Variants in TSPAN9 observed in about 807,000 individuals in gnomAD.
TSPAN9 encodes tetraspanin 9, also known as tetraspanin-9.
A neutral mutation model predicts 31.0 loss-of-function variants in TSPAN9; 16 were observed. The observed-to-expected ratio is 0.52, with a 90% confidence interval of 0.35 to 0.78. TSPAN9 has a LOEUF of 0.78. TSPAN9 is among the 30% of genes least tolerant of loss of function. The pLI, the probability that TSPAN9 is intolerant of heterozygous loss-of-function variation, is 0.01. For synonymous variants in TSPAN9, 145 were observed against 121.6 expected, an observed-to-expected ratio of 1.19 and a Z score of -1.27; for missense variants, 272 against 312.5, an observed-to-expected ratio of 0.87 and a Z score of 0.98.
intron 2 of TSPAN9, chr12:3,200,869 A>C: frequency 1.6e-4 from 41 of 250,540 alleles, no homozygotes; most frequent in South Asian, 7.4e-4. Context: ...CCTCCGTCCC[A>C]TTCTGGGAGC....
intron 2 of TSPAN9, among the ~76,000 whole-genome samples, chr12:3,179,452 T>C (rs1314909912): frequency 6.6e-6 from 1 of 152,170 alleles, no homozygotes; most frequent in Non-Finnish European, 1.5e-5. Context: ...AGGAAGCCAC[T>C]GTCCCCCTGC....
chr12:3,182,700 T>C (rs4141086), intron 2 of TSPAN9, among the ~76,000 whole-genome samples: 151,893 of 152,290 alleles, frequency 1, 75,749 homozygotes, highest in Middle Eastern at 1. Flanking sequence ...GCCATGTGAT[T>C]GAGAGGCAGT....
At position 3,211,953 on chromosome 12, in the gene TSPAN9, A is replaced by G. The variant is rs1169692413; in HGVS notation, c.63+10697A>G. ...GCGTAGGTCGTCACCACCGGAAAGC[A>G]AAATTGCTGTCTTTGTATTTCTTTC... On this transcript the variant is annotated intron_variant, in intron 3 of 8. Transcript: ENST00000011898. 9.6e-6 allele frequency: 11 copies of G among 1,140,258 alleles called. No homozygotes were observed. The East Asian group carries it at 2.1e-4, about 22-fold the overall frequency. 70.6% of individuals were successfully genotyped at this position (1,140,258 alleles called of 1,614,324 possible).
Position 3,188,589 on chromosome 12 carries a change from G to A in TSPAN9, c.-17-12588G>A, listed in dbSNP as rs113848441. ...AGTGTGGGGGAGGGGAAGAGCAGGT[G>A]TGCCCTGGCGCCTGGCCTGGCTGGG... is the stretch of plus-strand genomic sequence containing the variant. On this transcript the variant is annotated intron_variant, in intron 2 of 8. Transcript: ENST00000011898. 2.2e-3 allele frequency among the ~76,000 whole-genome samples: 342 copies of A among 152,280 alleles called. 2 individuals are homozygous for A. Among genetic ancestry groups the A allele is most frequent in the African/African-American group, 7.7e-3 (319 of 41,556 alleles).
intron 2 of TSPAN9, among the ~76,000 whole-genome samples, chr12:3,174,770 GA>G: frequency 8.2e-6 from 1 of 122,634 alleles, no homozygotes; most frequent in Non-Finnish European, 1.9e-5. Flanking sequence ...TTTTAGTAGA[GA>G]CGGGGTTTCA....
chr12:3,131,334 C>G (rs139444119), intron 2 of TSPAN9, among the ~76,000 whole-genome samples: 3 of 152,142 alleles, frequency 2.0e-5, no homozygotes, highest in Non-Finnish European at 4.4e-5. Flanking sequence ...CTGGACATGC[C>G]GAAGCTGCGG....
chr12:3,259,531 G>A (rs1349332435), intron 3 of TSPAN9, among the ~76,000 whole-genome samples: 1 of 152,192 alleles, frequency 6.6e-6, no homozygotes, highest in Admixed American at 6.5e-5. Flanking sequence ...CAGAGCTCAC[G>A]TTTAGCAGGG....
In TSPAN9 at chr12:3,280,157, C is replaced by T. The variant is rs1862866851; in HGVS notation, c.331-225C>T. Among the ~76,000 whole-genome samples, 1 of 152,000 alleles carries T rather than the reference C, an allele frequency of 6.6e-6. No individual in the cohort carries two copies. The highest frequency in any genetic ancestry group is 2.4e-5 in the African/African-American group (1 of 41,380). ...GCTCTGCCGGGAGGCGGTGGGTGCA[C>T]CAGGGCCTGCTGTATTCTGAAACTG... On this transcript the variant is annotated intron_variant, in intron 5 of 8. Transcript: ENST00000011898. The surrounding 1 kb of genome is among the most constrained non-coding windows in gnomAD (Gnocchi z 4.5).
At chr12:3,248,591 C>G (rs1021548972) in intron 3 of TSPAN9, among the ~76,000 whole-genome samples, 2 of 149,486 alleles carry the variant, frequency 1.3e-5, no homozygotes, top group Admixed American at 6.9e-5. Context: ...ATTTTTACGT[C>G]CATTACACTC....
chr12:3,105,842 ACGCTCACACACGTT>A (rs1276414983), intron 2 of TSPAN9, among the ~76,000 whole-genome samples: 23 of 121,708 alleles, frequency 1.9e-4, no homozygotes, highest in African/African-American at 6.1e-4. Flanking sequence ...TTTCATACAC[ACGCTCACACACGTT>A]CACACACACA....
At chr12:3,178,674 C>T (rs1054703540) in intron 2 of TSPAN9, among the ~76,000 whole-genome samples, 1 of 152,194 alleles carries the variant, frequency 6.6e-6, no homozygotes, top group African/African-American at 2.4e-5. Flanking sequence ...CTTCCCTTTC[C>T]TGAGAGTTTA....
At position 3,126,998 on chromosome 12, in the gene TSPAN9, A is replaced by G. The variant is rs1259151153; in HGVS notation, c.-18+43279A>G. On this transcript the variant is annotated intron_variant, in intron 2 of 8. Coordinates refer to ENST00000011898, the MANE Select transcript of TSPAN9 (RefSeq NM_006675.5). ...GCTGTGTTGCCCAGGCTGGACTCGA[A>G]TTCCTGGATCAAGTGATCCTTCTAC... Among the ~76,000 whole-genome samples the G allele has an allele frequency of 2.0e-5, 3 of 152,092 alleles. No individual in the cohort carries two copies. The East Asian group carries it at 5.8e-4, about 29-fold the overall frequency.
intron 3 of TSPAN9, among the ~76,000 whole-genome samples, chr12:3,256,445 A>G (rs116685157): frequency 0.048 from 7,387 of 152,328 alleles, 620 homozygotes; most frequent in African/African-American, 0.17. Context: ...GCCGGGCACC[A>G]CATTGGGGTG....
intron 3 of TSPAN9, among the ~76,000 whole-genome samples, chr12:3,222,614 G>A (rs2098385147): frequency 6.6e-6 from 1 of 152,164 alleles, no homozygotes; most frequent in Non-Finnish European, 1.5e-5. Context: ...ATTGTGTGGG[G>A]AAGCCTGTGT....
intron 3 of TSPAN9, among the ~76,000 whole-genome samples, chr12:3,248,601 C>T (rs1417164102): frequency 7.5e-6 from 1 of 134,164 alleles, no homozygotes; most frequent in African/African-American, 2.5e-5. Flanking sequence ...CCATTACACT[C>T]ATTCCTTACA....
intron 3 of TSPAN9, among the ~76,000 whole-genome samples, chr12:3,268,640 TCC>T (rs1862593117): frequency 7.7e-6 from 1 of 129,140 alleles, no homozygotes; most frequent in Non-Finnish European, 1.6e-5. Context: ...CTCTGTGCGT[TCC>T]TGCAGCCTGC....
intron 2 of TSPAN9, chr12:3,200,226 T>G (rs537736723): frequency 6.6e-6 from 1 of 152,044 alleles, no homozygotes; most frequent in South Asian, 2.1e-4. Context: ...GGGGAGGGGG[T>G]GGCTCCCCAG....
At chr12:3,159,937 C>G (rs1161192609) in intron 2 of TSPAN9, among the ~76,000 whole-genome samples, 2 of 152,164 alleles carry the variant, frequency 1.3e-5, no homozygotes, top group Non-Finnish European at 2.9e-5. Flanking sequence ...GCAGTCCTAG[C>G]AAACTGATAC....
At chr12:3,120,661 A>G (rs488225) in intron 2 of TSPAN9, among the ~76,000 whole-genome samples, 96,871 of 152,210 alleles carry the variant, frequency 0.64, 31,038 homozygotes, top group East Asian at 0.74. Flanking sequence ...TAGGGCAGGA[A>G]GTTGAGCTTG....
Sources: allele counts gnomAD v4.1 joint callset (sites outside exome capture counted in the v4.1 genomes callset), GRCh38; gene constraint gnomAD v4.1.1; non-coding constraint Gnocchi (gnomAD v3.1); transcripts MANE v1.5; gene names NCBI Gene and HGNC (gene_info 2026-07-23, HGNC 2026-07-21).